The following MAD1L1 variants were observed in gnomAD, a reference collection of about 807,000 sequenced individuals.
MAD1L1 encodes the protein mitotic arrest deficient 1 like 1, also known as mitotic spindle assembly checkpoint protein MAD1.
A neutral mutation model predicts 96.9 loss-of-function variants in MAD1L1; 95 were observed. The observed-to-expected ratio is 0.98, with a 90% CI of 0.83 to 1.16. The LOEUF is 1.16. Ranked by LOEUF, MAD1L1 falls within the 50% of genes most tolerant of loss-of-function variation. MAD1L1 has a pLI of 0.00. For missense variants in MAD1L1, 1,007 were observed against 954.4 expected (o/e 1.06, Z -0.73); for synonymous variants, 473 against 396.6 (o/e 1.19, Z -2.29).
Position 2,065,160 on chromosome 7 carries a change from T to G in MAD1L1, c.1218+4034A>C, listed in dbSNP as rs554706559. Reference sequence around the variant, plus strand: ...TCTTCTGAGGGGTCCCCCCTTGTACTTCCTGCATTCTGCCCCCTATTTAAC... The same window carrying G: ...TCTTCTGAGGGGTCCCCCCTTGTACGTCCTGCATTCTGCCCCCTATTTAAC... On this transcript the variant is annotated intron_variant, in intron 12 of 18. Transcript: ENST00000265854. Among the ~76,000 whole-genome samples, 21 of 152,362 alleles carry G rather than the reference T, an allele frequency of 1.4e-4. 1 individual carries two copies. Among genetic ancestry groups the G allele is most frequent in the Admixed American group, 1.4e-3 (21 of 15,308 alleles).
At chr7:1,829,881 C>G (rs1276977820) in intron 18 of MAD1L1, among the ~76,000 whole-genome samples, 2 of 152,190 alleles carry the variant, frequency 1.3e-5, no homozygotes, top group African/African-American at 4.8e-5. Flanking sequence ...TGACAGCAGA[C>G]TTCTCAGAGG....
chr7:2,002,718 C>A (rs2128492967), intron 13 of MAD1L1, among the ~76,000 whole-genome samples: 1 of 152,276 alleles, frequency 6.6e-6, no homozygotes, highest in African/African-American at 2.4e-5. Flanking sequence ...GAAAAGCCAG[C>A]CGCCTCCTCC....
chr7:1,878,137 C>T (rs1454548628), intron 18 of MAD1L1, among the ~76,000 whole-genome samples: 1 of 151,958 alleles, frequency 6.6e-6, no homozygotes, highest in Non-Finnish European at 1.5e-5. Flanking sequence ...ACTCAAAAAA[C>T]ATCTGAGTAG....
chr7:2,033,929 A>G (rs896405756), intron 12 of MAD1L1, among the ~76,000 whole-genome samples: 1 of 152,182 alleles, frequency 6.6e-6, no homozygotes, highest in African/African-American at 2.4e-5. Context: ...CATCTCTACA[A>G]AAAAAATTTT....
rs547081479 is a variant in MAD1L1, at chr7:1,958,054, C to CA, written c.1506-336dup. On this transcript the variant is annotated intron_variant, in intron 15 of 18. Coordinates refer to ENST00000265854, the MANE Select transcript of MAD1L1 (RefSeq NM_001013836.2). ...AGTCAGTGTGTCCGTGTCCGTCAGC[C>CA]ACTCCCAGAGGGTGATGTGATGGCG... 1.4e-4 allele frequency among the ~76,000 whole-genome samples: 21 copies of CA among 152,248 alleles called. No individual in the cohort carries two copies. In the East Asian group the frequency reaches 2.1e-3, roughly 15 times the overall value.
chr7:2,115,580 C>G (rs1787642570), intron 11 of MAD1L1, among the ~76,000 whole-genome samples: 1 of 151,514 alleles, frequency 6.6e-6, no homozygotes, highest in Non-Finnish European at 1.5e-5. Context: ...GTTCCGGGAT[C>G]AGAGGAGGCG....
intron 13 of MAD1L1, among the ~76,000 whole-genome samples, chr7:2,005,618 T>C (rs970027605): frequency 3.9e-5 from 6 of 152,024 alleles, no homozygotes; most frequent in Admixed American, 1.3e-4. Flanking sequence ...CTGGACAACA[T>C]ACAGAGATCC....
In MAD1L1 at chr7:2,035,098, A is replaced by C. The variant is rs117375954; in HGVS notation, c.1219-20456T>G. Among the ~76,000 whole-genome samples, 362 of 152,368 alleles carry C rather than the reference A, an allele frequency of 2.4e-3. 2 individuals carry two copies. In the East Asian group the frequency reaches 0.026, roughly 11 times the overall value. On this transcript the variant is annotated intron_variant, in intron 12 of 18. Transcript: ENST00000265854. ...GCCAACAACAGATGCCTCATTTCTG[A>C]ATAAAGAAATGCCAGACACGATGTG... is the stretch of plus-strand genomic sequence containing the variant.
At chr7:2,140,463 A>C (rs908316705) in intron 11 of MAD1L1, among the ~76,000 whole-genome samples, 1 of 152,374 alleles carries the variant, frequency 6.6e-6, no homozygotes, top group East Asian at 1.9e-4. Context: ...AGCCGGGAGC[A>C]AGAGGCCAAC....
At chr7:1,838,856 G>A (rs1332054409) in intron 18 of MAD1L1, 12 of 471,292 alleles carry the variant, frequency 2.5e-5, no homozygotes, top group Admixed American at 7.0e-5. Context: ...CGAGAAGAAG[G>A]TATGACTGAC....
chr7:1,852,095 C>T (rs1784007978), intron 18 of MAD1L1, among the ~76,000 whole-genome samples: 2 of 152,128 alleles, frequency 1.3e-5, no homozygotes, highest in South Asian at 2.1e-4. Flanking sequence ...TCCTGAGGCC[C>T]GAGACCCAGG....
intron 10 of MAD1L1, among the ~76,000 whole-genome samples, chr7:2,190,125 A>C (rs1244871230): frequency 6.6e-6 from 1 of 152,260 alleles, no homozygotes; most frequent in African/African-American, 2.4e-5. Context: ...ACAAAGAAAA[A>C]GCTGGAGGGC....
At chr7:1,962,131 T>C (rs997334468) in intron 15 of MAD1L1, among the ~76,000 whole-genome samples, 2 of 152,172 alleles carry the variant, frequency 1.3e-5, no homozygotes, top group East Asian at 3.8e-4. Flanking sequence ...CATTCTCATC[T>C]ATTGTGGGAA....
intron 12 of MAD1L1, among the ~76,000 whole-genome samples, chr7:2,060,308 G>A (rs919741329): frequency 6.7e-6 from 1 of 148,660 alleles, no homozygotes; most frequent in Admixed American, 6.7e-5. Context: ...CGCCGATCCC[G>A]AGATACGCCG....
intron 14 of MAD1L1, among the ~76,000 whole-genome samples, chr7:1,988,979 C>G (rs1781283226): frequency 6.6e-6 from 1 of 152,254 alleles, no homozygotes; most frequent in Non-Finnish European, 1.5e-5. Context: ...CCTGGGCTGC[C>G]TCACAGGAGC....
chr7:1,844,516 G>C (rs1404920188), intron 18 of MAD1L1, among the ~76,000 whole-genome samples: 5 of 152,184 alleles, frequency 3.3e-5, no homozygotes, highest in Admixed American at 2.6e-4. Context: ...CCCTGCAGGG[G>C]GCAGAGGCGG....
At chr7:1,901,075 C>T (rs1160156002) in intron 17 of MAD1L1, among the ~76,000 whole-genome samples, 4 of 152,072 alleles carry the variant, frequency 2.6e-5, no homozygotes, top group East Asian at 1.9e-4. Flanking sequence ...CACAGACCCT[C>T]GGAGGTGAGG....
intron 17 of MAD1L1, among the ~76,000 whole-genome samples, chr7:1,931,853 G>A (rs1169070069): frequency 6.6e-6 from 1 of 152,224 alleles, no homozygotes; most frequent in African/African-American, 2.4e-5. Flanking sequence ...CACGCACTCA[G>A]CCTTCTAGGT....
At position 2,119,036 on chromosome 7, in the gene MAD1L1, T is replaced by C. The variant is rs1315661184; in HGVS notation, c.1073+30116A>G. On this transcript the variant is annotated intron_variant, in intron 11 of 18. Coordinates refer to ENST00000265854, the MANE Select transcript of MAD1L1 (RefSeq NM_001013836.2). This position sits in a 1 kb window ranked among gnomAD's most constrained non-coding sequence, Gnocchi z 4.6. ...CAGCCTCCAGCCCCACGTGACGGTCTGCCTCCCAGACCCCTGCGCGGACAA... is the reference window on the plus strand; with the variant it reads ...CAGCCTCCAGCCCCACGTGACGGTCCGCCTCCCAGACCCCTGCGCGGACAA... Among the ~76,000 whole-genome samples the C allele has an allele frequency of 6.6e-6, 1 of 152,096 alleles. No individual in the cohort carries two copies. The highest frequency in any genetic ancestry group is 1.5e-5 in the Non-Finnish European group (1 of 68,020).
Sources: gnomAD v4.1 joint callset for allele counts (sites outside exome capture counted in the v4.1 genomes callset) on GRCh38, gnomAD v4.1.1 for gene constraint, Gnocchi (gnomAD v3.1) non-coding constraint, MANE v1.5 for transcripts, NCBI Gene and HGNC (gene_info 2026-07-23, HGNC 2026-07-21) for gene names.